SYDE2: variants seen among roughly 807,000 people sequenced by gnomAD.
SYDE2 encodes the protein rho GTPase-activating protein SYDE2.
In SYDE2, 76 loss-of-function variants were observed where a neutral mutation model predicts 91.5. That is an observed-to-expected ratio of 0.83 (90% CI 0.69 to 1.01). The LOEUF is 1.01. Ranked by LOEUF, SYDE2 falls within the 50% of genes least tolerant of loss-of-function variation. The pLI is 0.00. For missense variants in SYDE2, 1,364 were observed against 1,367.7 expected (o/e 1.00, Z 0.04); for synonymous variants, 513 against 506.4 (o/e 1.01, Z -0.18).
rs565838033 is a variant in SYDE2 at position 85,165,348 on chromosome 1, C to A, written c.2854-591G>T. 2.0e-5 allele frequency among the ~76,000 whole-genome samples: 3 copies of A among 152,240 alleles called. No homozygotes were observed. In the South Asian group the frequency reaches 6.2e-4, roughly 32 times the overall value. On this transcript the variant is annotated intron_variant, in intron 5 of 6. Transcript: ENST00000341460. ...TTCAGCTGGAATCCCTGGGAAAATGCGTCCATTACCTCTTTCTCTTCTAAC... is the reference window on the plus strand; with the variant it reads ...TTCAGCTGGAATCCCTGGGAAAATGAGTCCATTACCTCTTTCTCTTCTAAC...
chr1:85,160,123 A>G lies in SYDE2; in HGVS notation c.3086-874T>C, dbSNP rs901472075. On this transcript the variant is annotated intron_variant, in intron 6 of 6. Transcript: ENST00000341460. The stretch of plus-strand genomic sequence containing the variant: ...GACACATAGCTATTAAAGATTACCC[A>G]TAATATCTTTCTCTTTCTGCATGAA... The G allele has an allele frequency of 9.1e-6, 9 of 984,424 alleles. No individual in the cohort carries two copies. The African/African-American group carries it at 1.4e-4, about 15-fold the overall frequency. 61.0% of individuals were successfully genotyped at this position (984,424 alleles called of 1,614,324 possible).
chr1:85,184,282 T>G (rs2100675880), intron 2 of SYDE2, among the ~76,000 whole-genome samples: 1 of 152,226 alleles, frequency 6.6e-6, no homozygotes, highest in South Asian at 2.1e-4. Context: ...ACTGGCAAAC[T>G]TTGTAGAAAA....
downstream of SYDE2, among the ~76,000 whole-genome samples, chr1:85,156,145 G>C (rs1390238902): frequency 2.6e-5 from 4 of 152,122 alleles, no homozygotes; most frequent in African/African-American, 7.2e-5. Flanking sequence ...GGTGAAATTG[G>C]TGTGGATGGC....
chr1:85,164,887 T>C (rs1657207387), intron 5 of SYDE2, 130 bp from the exon 6 acceptor site: 1 of 514,018 alleles, frequency 1.9e-6, no homozygotes, highest in Admixed American at 4.3e-5. Context: ...TGCGTATAAA[T>C]TGGATGTTTG....
Position 85,164,589 on chromosome 1 carries a change from C to T in SYDE2, c.3022G>A (p.Ala1008Thr). 6.2e-7 allele frequency: 1 copy of T among 1,608,026 alleles called. No homozygotes were observed. Among genetic ancestry groups the T allele is most frequent in the Non-Finnish European group, 8.5e-7 (1 of 1,177,132 alleles). The change falls in exon 6 of 7, where the codon GCA becomes ACA. Residue 1008 changes from alanine to threonine, a missense_variant. Coordinates refer to ENST00000341460, the MANE Select transcript of SYDE2 (RefSeq NM_032184.2). The part of the protein sequence containing the change: ...NRVFTDSEEL[A>T]SALDFKKHIE... ...TGTTTTTTAAAATCCAAAGCACTTG[C>T]AAGTTCTTCTGAATCAGTAAAGACT...
intron 3 of SYDE2, among the ~76,000 whole-genome samples, chr1:85,180,665 G>A (rs1398295217): frequency 6.6e-6 from 1 of 151,182 alleles, no homozygotes; most frequent in Non-Finnish European, 1.5e-5. Flanking sequence ...ACTCCAGCCT[G>A]GGCGACAGAG....
intron 3 of SYDE2, 98 bp downstream of exon 3, chr1:85,181,999 TA>T: frequency 7.9e-7 from 1 of 1,262,736 alleles, no homozygotes; most frequent in Non-Finnish European, 1.1e-6. Flanking sequence ...GTAAAATATC[TA>T]AATTTGATTT....
In SYDE2 at chr1:85,183,098, G is replaced by C. The variant is rs370879051; in HGVS notation, c.1544C>G (p.Ser515Ter). Residue 515 changes from serine to a stop codon, truncating the protein, a stop_gained, in exon 3 of 7, where the codon TCA becomes TGA. Transcript: ENST00000341460. LOFTEE classifies it high-confidence loss of function. ...TGGAGATTTTATTTTATCTGGCAAT[G>C]ACCAATTAATTGAACTGCCTTTTTT... is the stretch of plus-strand genomic sequence containing the variant. The part of the protein sequence containing the change: ...PVKKGSSINW[S>*]LPDKIKSPRT... 63 of 1,613,280 alleles carry C rather than the reference G, an allele frequency of 3.9e-5. No homozygotes were observed. Among genetic ancestry groups the C allele is most frequent in the Middle Eastern group, 3.3e-4 (2 of 6,084 alleles).
At chr1:85,195,163 A>T (rs1359362697) in intron 1 of SYDE2, among the ~76,000 whole-genome samples, 1 of 152,144 alleles carries the variant, frequency 6.6e-6, no homozygotes, top group Non-Finnish European at 1.5e-5. Flanking sequence ...CCATCTAAAA[A>T]AAAAAAAAAA....
chr1:85,155,185 A>C (rs555050353), downstream of SYDE2, among the ~76,000 whole-genome samples: 10 of 152,292 alleles, frequency 6.6e-5, no homozygotes, highest in South Asian at 1.0e-3. Flanking sequence ...TGAAGAACAT[A>C]CTTCCTTCCT....
chr1:85,167,883 G>A (rs1264462083), intron 5 of SYDE2, among the ~76,000 whole-genome samples: 1 of 152,072 alleles, frequency 6.6e-6, no homozygotes, highest in Non-Finnish European at 1.5e-5. Context: ...AGAGGCCAAG[G>A]TGGGCAGATC....
intron 2 of SYDE2, among the ~76,000 whole-genome samples, chr1:85,187,183 A>G (rs999410620): frequency 5.3e-5 from 8 of 152,060 alleles, no homozygotes; most frequent in African/African-American, 1.9e-4. Context: ...AAAACAAACA[A>G]CCCCACCAAA....
chr1:85,154,046 A>G (rs1337577745), downstream of SYDE2: 2 of 152,162 alleles, frequency 1.3e-5, no homozygotes, highest in Non-Finnish European at 2.9e-5. Flanking sequence ...TTCAGTGTTT[A>G]TCACATATGA....
intron 4 of SYDE2, among the ~76,000 whole-genome samples, chr1:85,176,576 C>T (rs79315369): frequency 0.054 from 8,173 of 151,916 alleles, 461 homozygotes; most frequent in African/African-American, 0.14. Flanking sequence ...TTAACCCAAA[C>T]AATTAATTTT....
At chr1:85,188,317 A>T (rs1658232517) in intron 2 of SYDE2, among the ~76,000 whole-genome samples, 1 of 152,206 alleles carries the variant, frequency 6.6e-6, no homozygotes, top group South Asian at 2.1e-4. Context: ...AAAGAAAAAA[A>T]TTTAATTACC....
intron 2 of SYDE2, among the ~76,000 whole-genome samples, chr1:85,187,754 A>T (rs1420360758): frequency 6.6e-6 from 1 of 151,776 alleles, no homozygotes; most frequent in Non-Finnish European, 1.5e-5. Flanking sequence ...TTCTCAGTAA[A>T]CTATCTCAAG....
chr1:85,200,871 G>A lies in SYDE2; in HGVS notation c.126C>T (p.Ala42=). The A allele has an allele frequency of 7.4e-7, 1 of 1,353,110 alleles. No homozygotes were observed. The highest frequency in any genetic ancestry group is 9.4e-7 in the Non-Finnish European group (1 of 1,062,948). The allele number at this position is 1,353,110 out of a possible 1,614,324, so 83.8% of individuals were successfully genotyped here. A position where few individuals can be genotyped will look rare whatever the true frequency, so the allele number is the denominator to read the frequency against. ...PPSRGAAYRR[A]CPRDGERGGG... is the part of the protein sequence containing the mutation. ...CTCCCCGCTCCCCGTCCCGGGGGCA[G>A]GCTCGGCGGTACGCGGCGCCGCGGG... is the stretch of plus-strand genomic sequence containing the variant. Residue 42 remains alanine (A), a synonymous_variant, in exon 1 of 7, where the codon GCC becomes GCT. Coordinates refer to ENST00000341460, the MANE Select transcript of SYDE2 (RefSeq NM_032184.2).
chr1:85,164,905 G>C lies in SYDE2; in HGVS notation c.2854-148C>G, dbSNP rs1657207836. 4 of 486,334 alleles carry C rather than the reference G, an allele frequency of 8.2e-6. No homozygotes were observed. In the East Asian group the frequency reaches 1.4e-4, roughly 17 times the overall value. 30.1% of individuals were successfully genotyped at this position (486,334 alleles called of 1,614,324 possible). On this transcript the variant is annotated intron_variant, in intron 5 of 6. Coordinates refer to ENST00000341460, the MANE Select transcript of SYDE2 (RefSeq NM_032184.2). ...GTATAAATTGGATGTTTGGAACCTAGAACATAGTTTCTAATAGAAACATTA... is the reference window on the plus strand; with the variant it reads ...GTATAAATTGGATGTTTGGAACCTACAACATAGTTTCTAATAGAAACATTA...
Position 85,157,476 on chromosome 1 carries a change from CAAAT to C in SYDE2, c.*1270_*1273del, listed in dbSNP as rs912005301. ...AGTCAATGTTATAAATGTACTACTA[CAAAT>C]AAATAATTAAAACAAAGCAGAATAT... On this transcript the variant is annotated 3_prime_UTR_variant, in exon 7 of 7. Transcript: ENST00000341460. 1 of 152,104 alleles carries C rather than the reference CAAAT, an allele frequency of 6.6e-6. No homozygotes were observed. Among genetic ancestry groups the C allele is most frequent in the Admixed American group, 6.5e-5 (1 of 15,292 alleles). The allele number at this position is 152,104 out of a possible 1,614,324, so 9.4% of individuals were successfully genotyped here.
Sources: gnomAD v4.1 joint callset for allele counts (sites outside exome capture counted in the v4.1 genomes callset) on GRCh38, gnomAD v4.1.1 for gene constraint, MANE v1.5 for transcripts, NCBI Gene and HGNC (gene_info 2026-07-23, HGNC 2026-07-21) for gene names.